The following ADGRD1 variants were observed in gnomAD, a reference collection of about 807,000 sequenced individuals.
ADGRD1 encodes G-protein coupled receptor 133.
In ADGRD1, 77 loss-of-function variants were observed where a neutral mutation model predicts 113.4. The observed-to-expected ratio is 0.68, with a 90% CI of 0.57 to 0.82. The LOEUF is 0.82. ADGRD1 is among the 40% of genes least tolerant of loss of function. The pLI, the probability that ADGRD1 is intolerant of heterozygous loss-of-function variation, is 0.00. For missense variants in ADGRD1, 1,036 were observed against 1,139.1 expected (o/e 0.91, Z 1.30); for synonymous variants, 474 against 475.0 (o/e 1.00, Z 0.03).
At chr12:130,981,526 C>T (rs1038428497) in intron 4 of ADGRD1, among the ~76,000 whole-genome samples, 9 of 150,182 alleles carry the variant, frequency 6.0e-5, no homozygotes, top group Non-Finnish European at 5.9e-5. Flanking sequence ...TGCATGATCC[C>T]GGGGAGTGGG....
At chr12:131,066,321 G>T (rs1012908832) in intron 13 of ADGRD1, among the ~76,000 whole-genome samples, 1 of 152,176 alleles carries the variant, frequency 6.6e-6, no homozygotes, top group African/African-American at 2.4e-5. Flanking sequence ...GTTTCCCGCC[G>T]ACGCATCTGC....
At chr12:131,014,383 G>A (rs1037975244) in intron 13 of ADGRD1, 43 bp downstream of exon 13, 33 of 1,568,948 alleles carry the variant, frequency 2.1e-5, no homozygotes, top group African/African-American at 5.4e-5. Context: ...CTTTGATCTG[G>A]TTTCACACTG....
intron 13 of ADGRD1, among the ~76,000 whole-genome samples, chr12:131,039,150 G>C (rs1194889851): frequency 6.6e-6 from 1 of 151,844 alleles, no homozygotes; most frequent in Non-Finnish European, 1.5e-5. Context: ...ACTGCCCGCT[G>C]AGCCGGGACG....
intron 2 of ADGRD1, among the ~76,000 whole-genome samples, chr12:130,955,335 G>C (rs917083246): frequency 1.3e-5 from 2 of 152,076 alleles, no homozygotes; most frequent in Non-Finnish European, 2.9e-5. Context: ...GGGACCTCCA[G>C]CCTCAGAGTG....
In ADGRD1 at chr12:131,022,531, G is replaced by C. The variant is rs545932511; in HGVS notation, c.1473+8191G>C. ...AGTTGCTGGTGTTGCTATGACTCAG[G>C]GGTACTATTTCATCCCACAGGGCGC... On this transcript the variant is annotated intron_variant, in intron 13 of 24. Coordinates refer to ENST00000261654, the MANE Select transcript of ADGRD1 (RefSeq NM_198827.5). The surrounding 1 kb of genome is among the most constrained non-coding windows in gnomAD (Gnocchi z 4.6). Among the ~76,000 whole-genome samples the C allele has an allele frequency of 3.9e-5, 6 of 152,268 alleles. No homozygotes were observed. Among genetic ancestry groups the C allele is most frequent in the African/African-American group, 1.4e-4 (6 of 41,546 alleles).
chr12:131,103,889 C>G (rs1025228214), intron 15 of ADGRD1, among the ~76,000 whole-genome samples: 2 of 152,184 alleles, frequency 1.3e-5, no homozygotes, highest in East Asian at 1.9e-4. Context: ...CCCTCCTGCA[C>G]GTGAGCAGCT....
At chr12:131,133,359 C>T (rs12318299) in intron 21 of ADGRD1, among the ~76,000 whole-genome samples, 24,791 of 152,242 alleles carry the variant, frequency 0.16, 2,541 homozygotes, top group Non-Finnish European at 0.22. Flanking sequence ...TACCCCACTG[C>T]GCCCCATCCT....
rs542584897 is a variant in ADGRD1 at position 131,108,853 on chromosome 12, C to T, written c.2017C>T (p.Arg673Cys). The change falls in exon 18 of 25, where the codon CGT (arginine) becomes TGT (cysteine). Residue 673 changes from arginine (R) to cysteine (C), a missense_variant. Arg to Cys is a radical substitution (Grantham distance 180, BLOSUM62 -3). Transcript: ENST00000261654. ...KVFGSEDSKH[R>C]YYYGMGWGFP... ...CTTTGGGTCGGAGGACAGCAAGCAC[C>T]GTTACTACTATGGGATGGGATGGGG... The T allele has an allele frequency of 4.6e-5, 69 of 1,491,392 alleles. No individual in the cohort carries two copies. The East Asian group carries it at 1.5e-3, about 33-fold the overall frequency. The allele number at this position is 1,491,392 out of a possible 1,614,324, so 92.4% of individuals were successfully genotyped here.
At chr12:131,029,118 A>T (rs962703679) in intron 13 of ADGRD1, among the ~76,000 whole-genome samples, 1 of 152,076 alleles carries the variant, frequency 6.6e-6, no homozygotes, top group Non-Finnish European at 1.5e-5. Context: ...TTATGTTGTA[A>T]CCACCTTCTT....
At position 131,113,381 on chromosome 12, in the gene ADGRD1, C is replaced by T. The variant is rs931069251; in HGVS notation, c.2041+4504C>T. Among the ~76,000 whole-genome samples the T allele has an allele frequency of 2.0e-5, 3 of 152,074 alleles. No homozygotes were observed. Among genetic ancestry groups the T allele is most frequent in the African/African-American group, 7.2e-5 (3 of 41,406 alleles). On this transcript the variant is annotated intron_variant, in intron 18 of 24. Coordinates refer to ENST00000261654, the MANE Select transcript of ADGRD1 (RefSeq NM_198827.5). This position sits in a 1 kb window ranked among gnomAD's most constrained non-coding sequence, Gnocchi z 4.9. Reference sequence around the variant, plus strand: ...GCTTCTTTGCTGAGCTTTGCCCTTGCCCATCCCAAGGGGTCCCAGTGAGCA... The same window carrying T: ...GCTTCTTTGCTGAGCTTTGCCCTTGTCCATCCCAAGGGGTCCCAGTGAGCA...
chr12:130,976,165 T>C (rs1254596233), intron 4 of ADGRD1, among the ~76,000 whole-genome samples: 1 of 151,934 alleles, frequency 6.6e-6, no homozygotes, highest in Admixed American at 6.6e-5. Flanking sequence ...GCAGGTGGAG[T>C]TTTAGGATAG....
In ADGRD1 at chr12:130,992,341, C is replaced by T. The variant is rs1350473608; in HGVS notation, c.915C>T (p.Leu305=). ...VILSYLQNVS[L]SLPSKSLSEQ... ...TGAGTTACCTCCAAAATGTATCCCT[C>T]AGCTTACCCAGTAAGTCCCTCTCGG... Residue 305 remains leucine, a synonymous_variant, in exon 8 of 25, where the codon CTC becomes CTT. Transcript: ENST00000261654. 2 of 1,613,422 alleles carry T rather than the reference C, an allele frequency of 1.2e-6. No individual in the cohort carries two copies. Among genetic ancestry groups the T allele is most frequent in the African/African-American group, 2.7e-5 (2 of 74,890 alleles).
At chr12:131,034,277 T>C (rs964578614) in intron 13 of ADGRD1, among the ~76,000 whole-genome samples, 1 of 152,174 alleles carries the variant, frequency 6.6e-6, no homozygotes, top group Non-Finnish European at 1.5e-5. Flanking sequence ...TCAAGTGCAT[T>C]CCCACCCCAG....
At chr12:131,044,315 G>A (rs1252304116) in intron 13 of ADGRD1, among the ~76,000 whole-genome samples, 1 of 152,164 alleles carries the variant, frequency 6.6e-6, no homozygotes, top group East Asian at 1.9e-4. Flanking sequence ...GGCCGAGGAG[G>A]CCACGCTGTG....
chr12:130,974,119 C>T (rs116418630), intron 4 of ADGRD1, among the ~76,000 whole-genome samples: 2,290 of 152,264 alleles, frequency 0.015, 63 homozygotes, highest in African/African-American at 0.053. Flanking sequence ...CCATGGCATG[C>T]CTTTCCCGCT....
intron 14 of ADGRD1, among the ~76,000 whole-genome samples, chr12:131,079,575 GT>G (rs775467422): frequency 6.6e-6 from 1 of 152,112 alleles, no homozygotes; most frequent in African/African-American, 2.4e-5. Flanking sequence ...TTCCATTTTA[GT>G]AGAATTCACC....
chr12:131,122,727 C>T (rs995345256), intron 20 of ADGRD1, among the ~76,000 whole-genome samples: 3 of 152,212 alleles, frequency 2.0e-5, no homozygotes, highest in Admixed American at 2.0e-4. Flanking sequence ...AACCGCAGGG[C>T]CTGGGCAGAA....
At chr12:131,062,852 T>C (rs575295438) in intron 13 of ADGRD1, among the ~76,000 whole-genome samples, 48 of 152,354 alleles carry the variant, frequency 3.2e-4, no homozygotes, top group African/African-American at 1.1e-3. Context: ...TTCCAGAGTG[T>C]CTGTACCTTT....
At chr12:131,016,031 G>A (rs1474753939) in intron 13 of ADGRD1, among the ~76,000 whole-genome samples, 1 of 152,194 alleles carries the variant, frequency 6.6e-6, no homozygotes, top group Admixed American at 6.5e-5. Flanking sequence ...GCAGACAGCT[G>A]CTGTCATTGC....
Sources: gnomAD v4.1 joint callset for allele counts (sites outside exome capture counted in the v4.1 genomes callset) on GRCh38, gnomAD v4.1.1 for gene constraint, Gnocchi (gnomAD v3.1) non-coding constraint, MANE v1.5 for transcripts, NCBI Gene and HGNC (gene_info 2026-07-23, HGNC 2026-07-21) for gene names.